The following HEATR5B variants were observed in gnomAD, a reference collection of about 807,000 sequenced individuals.
HEATR5B encodes HEAT repeat containing 5B.
Under a neutral mutation model 224.1 loss-of-function variants are expected in HEATR5B, and 156 were observed. That is an observed-to-expected ratio of 0.70 (90% CI 0.61 to 0.80). HEATR5B has a LOEUF of 0.80. Among genes scored for constraint, HEATR5B ranks in the 30% least tolerant of loss-of-function variants. HEATR5B has a pLI of 0.00. For missense variants in HEATR5B, 2,323 were observed against 2,535.5 expected (o/e 0.92, Z 1.80); for synonymous variants, 1,027 against 893.0 (o/e 1.15, Z -2.68).
intron 18 of HEATR5B, 25 bp from the exon 19 acceptor site, chr2:37,041,317 C>T: frequency 6.2e-7 from 1 of 1,609,662 alleles, no homozygotes. Flanking sequence ...ATGCTTCAAG[C>T]ACTAACTTTG....
At chr2:36,984,215 A>AAAAAAAAAAAAAAATATATATAT in intron 35 of HEATR5B, among the ~76,000 whole-genome samples, 1 of 77,644 alleles carries the variant, frequency 1.3e-5, no homozygotes, top group Admixed American at 1.4e-4. Flanking sequence ...AAAAAAAAAA[A>AAAAAAAAAAAAAAATATATATAT]ATATATATAT....
chr2:36,984,086 G>C (rs1282038786), intron 35 of HEATR5B, among the ~76,000 whole-genome samples: 1 of 148,876 alleles, frequency 6.7e-6, no homozygotes, highest in Non-Finnish European at 1.5e-5. Context: ...TGTAATCCCA[G>C]CTACTCCTGA....
chr2:37,049,890 T>C (rs1380152984), intron 17 of HEATR5B, 47 bp from the exon 18 acceptor site: 3 of 1,439,294 alleles, frequency 2.1e-6, no homozygotes, highest in Non-Finnish European at 1.8e-6. Context: ...TCATAATTCA[T>C]TATTATTATT....
intron 26 of HEATR5B, among the ~76,000 whole-genome samples, chr2:37,019,176 A>G (rs1340520997): frequency 1.3e-5 from 2 of 151,964 alleles, no homozygotes; most frequent in Non-Finnish European, 2.9e-5. Context: ...AAAAAAAGAA[A>G]ATGTACGTTT....
chr2:36,988,779 T>C lies in HEATR5B; in HGVS notation c.5778A>G (p.Ser1926=). ...NRALSTPYIH[S]LAPIVVEKLK... ...GCTTTTCAACCACTATTGGAGCTAA[T>C]GAATGAATATAAGGAGTTGAAAGGG... is the stretch of plus-strand genomic sequence containing the variant. Residue 1926 remains serine (S), a synonymous_variant, in exon 35 of 36, where the codon TCA becomes TCG. Transcript: ENST00000233099. The C allele has an allele frequency of 6.2e-7, 1 of 1,614,090 alleles. No homozygotes were observed. Among genetic ancestry groups the C allele is most frequent in the Non-Finnish European group, 8.5e-7 (1 of 1,179,976 alleles).
intron 26 of HEATR5B, among the ~76,000 whole-genome samples, chr2:37,019,583 AGTAGCCTGGACTACAG>A (rs1049546476): frequency 6.6e-6 from 1 of 151,912 alleles, no homozygotes; most frequent in African/African-American, 2.4e-5. Flanking sequence ...CAGCCTCCAG[AGTAGCCTGGACTACAG>A]GTGTATGTTA....
Position 37,025,603 on chromosome 2 carries a change from T to TA in HEATR5B, c.3853+2319dup, listed in dbSNP as rs1211123666. Among the ~76,000 whole-genome samples, 4 of 150,460 alleles carry TA rather than the reference T, an allele frequency of 2.7e-5. No homozygotes were observed. In the South Asian group the frequency reaches 8.4e-4, roughly 32 times the overall value. On this transcript the variant is annotated intron_variant, in intron 24 of 35. Coordinates refer to ENST00000233099, the MANE Select transcript of HEATR5B (RefSeq NM_019024.3). ...AAACGTAGACAAATTACAGGAAAAT[T>TA]AAAAAAAATTAAAGCAGACTTAAGA...
chr2:37,028,298 G>T, intron 23 of HEATR5B, 124 bp from the exon 24 acceptor site: 1 of 573,954 alleles, frequency 1.7e-6, no homozygotes, highest in Non-Finnish European at 2.7e-6. Flanking sequence ...CTGGAAAACA[G>T]TAAAACTAGC....
Position 37,075,532 on chromosome 2 carries a change from A to C in HEATR5B, c.550T>G (p.Ser184Ala), listed in dbSNP as rs769282370. 6.2e-7 allele frequency: 1 copy of C among 1,614,090 alleles called. No homozygotes were observed. Among genetic ancestry groups the C allele is most frequent in the South Asian group, 1.1e-5 (1 of 91,086 alleles). The part of the protein sequence containing the change: ...SHRDIYKNAR[S>A]LLTDRSMAVR... ...GCCATTGACCTATCAGTCAAGAGAG[A>C]CCTGGCATTCTTGTAAATATCACGA... is the stretch of plus-strand genomic sequence containing the variant. The change falls in exon 5 of 36, where the codon TCT (serine) becomes GCT (alanine). Residue 184 changes from serine to alanine, a missense_variant. Coordinates refer to ENST00000233099, the MANE Select transcript of HEATR5B (RefSeq NM_019024.3).
chr2:36,995,416 T>C (rs1666632079), intron 33 of HEATR5B, among the ~76,000 whole-genome samples: 2 of 152,172 alleles, frequency 1.3e-5, no homozygotes, highest in Admixed American at 1.3e-4. Context: ...CATATACATA[T>C]ATAAATATGG....
At chr2:37,000,912 ATTGT>A (rs1667050936) in intron 32 of HEATR5B, 99 bp from the exon 33 acceptor site, 6 of 771,618 alleles carry the variant, frequency 7.8e-6, no homozygotes, top group Non-Finnish European at 1.2e-5. Context: ...GTGGTTTAAT[ATTGT>A]TTTTTTCCTT....
At chr2:37,079,891 A>G (rs1672448685) in intron 2 of HEATR5B, among the ~76,000 whole-genome samples, 1 of 152,238 alleles carries the variant, frequency 6.6e-6, no homozygotes, top group Admixed American at 6.5e-5. Flanking sequence ...CAAAATAGAC[A>G]AACAAGTCCC....
intron 33 of HEATR5B, among the ~76,000 whole-genome samples, chr2:36,995,087 G>GTTTTTTTTTTTTTTTTTTT (rs775120824): frequency 9.6e-6 from 1 of 104,132 alleles, no homozygotes; most frequent in Non-Finnish European, 1.9e-5. Flanking sequence ...GTTATTCCTT[G>GTTTTTTTTTTTTTTTTTTT]TTTTTTTTTT....
intron 2 of HEATR5B, among the ~76,000 whole-genome samples, chr2:37,080,824 G>C (rs1330917742): frequency 6.6e-6 from 1 of 150,758 alleles, no homozygotes; most frequent in Non-Finnish European, 1.5e-5. Flanking sequence ...AAAAGAACAA[G>C]AAGTAGTAGT....
At chr2:37,041,044 C>G (rs1669839441) in intron 19 of HEATR5B, 89 bp downstream of exon 19, 1 of 1,066,294 alleles carries the variant, frequency 9.4e-7, no homozygotes, top group East Asian at 2.5e-5. Context: ...GTCCTAACAA[C>G]TTACCACGGT....
At chr2:37,008,396 G>A (rs1243116730) in intron 28 of HEATR5B, 4 of 582,836 alleles carry the variant, frequency 6.9e-6, no homozygotes, top group South Asian at 2.0e-5. Flanking sequence ...AACAGTGCTT[G>A]CTAATATGTT....
intron 27 of HEATR5B, 135 bp downstream of exon 27, chr2:37,013,705 CA>C: frequency 1.7e-6 from 1 of 591,284 alleles, no homozygotes; most frequent in South Asian, 3.4e-5. Flanking sequence ...CACTGATTAA[CA>C]AATTTTCAAA....
At chr2:37,063,368 A>C (rs976911730) in intron 10 of HEATR5B, among the ~76,000 whole-genome samples, 1 of 152,196 alleles carries the variant, frequency 6.6e-6, no homozygotes, top group African/African-American at 2.4e-5. Context: ...TAACTAGTCT[A>C]ATTAGAGCAA....
At chr2:37,019,089 C>G (rs1043690605) in intron 26 of HEATR5B, among the ~76,000 whole-genome samples, 1 of 151,476 alleles carries the variant, frequency 6.6e-6, no homozygotes, top group African/African-American at 2.4e-5. Context: ...ACCCGGGAGG[C>G]GGAGGTTACA....
Sources: gnomAD v4.1 joint callset for allele counts (sites outside exome capture counted in the v4.1 genomes callset) on GRCh38, gnomAD v4.1.1 for gene constraint, MANE v1.5 for transcripts, NCBI Gene and HGNC (gene_info 2026-07-23, HGNC 2026-07-21) for gene names.